The following OSTF1 variants were observed in gnomAD, a reference collection of about 807,000 sequenced individuals.
OSTF1 encodes osteoclast-stimulating factor 1.
Under a neutral mutation model 37.2 loss-of-function variants are expected in OSTF1, and 27 were observed. The ratio of observed to expected loss-of-function variants is 0.73; its 90% CI spans 0.54 to 1.00. The LOEUF (loss-of-function observed/expected upper bound fraction) is 1.00. OSTF1 is among the 50% of genes least tolerant of loss of function. The pLI, the probability that OSTF1 is intolerant of heterozygous loss-of-function variation, is 0.00. For missense variants in OSTF1, 232 were observed against 253.8 expected (o/e 0.91, Z 0.58); for synonymous variants, 82 against 89.2 (o/e 0.92, Z 0.46).
At chr9:75,089,868 C>T (rs1272159014) in intron 1 of OSTF1, among the ~76,000 whole-genome samples, 1 of 152,074 alleles carries the variant, frequency 6.6e-6, no homozygotes, top group African/African-American at 2.4e-5. Flanking sequence ...TCTTTGCGTT[C>T]CTGCAGTTGG....
At chr9:75,140,697 T>C (rs548117806) in intron 8 of OSTF1, 137 bp from the exon 9 acceptor site, 1 of 584,418 alleles carries the variant, frequency 1.7e-6, no homozygotes, top group African/African-American at 1.9e-5. Context: ...AAGTTTATTG[T>C]TTTGAGAACG....
chr9:75,118,227 T>C (rs1027083148), intron 2 of OSTF1, among the ~76,000 whole-genome samples: 1 of 152,162 alleles, frequency 6.6e-6, no homozygotes, highest in Non-Finnish European at 1.5e-5. Flanking sequence ...TTCAATAGCA[T>C]GTTCAGAGAT....
chr9:75,134,532 T>C, intron 7 of OSTF1, 137 bp downstream of exon 7: 2 of 560,380 alleles, frequency 3.6e-6, no homozygotes, highest in Non-Finnish European at 6.4e-6. Flanking sequence ...GTACTAAAAT[T>C]CAAATTATCC....
Position 75,095,016 on chromosome 9 carries a change from C to T in OSTF1, c.34+6290C>T, listed in dbSNP as rs550572019. Among the ~76,000 whole-genome samples the T allele has an allele frequency of 4.6e-5, 7 of 152,186 alleles. No homozygotes were observed. In the East Asian group the frequency reaches 9.7e-4, roughly 21 times the overall value. On this transcript the variant is annotated intron_variant, in intron 1 of 9. Transcript: ENST00000346234. ...CTGCACTCCAGCCTGGGTGACAGAG[C>T]GAGACCCTGTCTCAAATAAACAAAC...
chr9:75,144,150 T>C (rs544736032), intron 9 of OSTF1, among the ~76,000 whole-genome samples: 2 of 152,298 alleles, frequency 1.3e-5, no homozygotes, highest in Admixed American at 6.5e-5. Context: ...TGGGTGTGTG[T>C]TGGGGGAGAA....
intron 1 of OSTF1, among the ~76,000 whole-genome samples, chr9:75,098,606 C>T (rs181051800): frequency 6.6e-6 from 1 of 152,074 alleles, no homozygotes. Context: ...GGTTATAACT[C>T]AGTAACATCA....
At chr9:75,145,857 C>T (rs1826015935) in intron 9 of OSTF1, among the ~76,000 whole-genome samples, 1 of 152,140 alleles carries the variant, frequency 6.6e-6, no homozygotes, top group Non-Finnish European at 1.5e-5. Flanking sequence ...TGTTAGGATG[C>T]TTGCTTTATG....
At chr9:75,128,314 C>T (rs1490120354) in intron 3 of OSTF1, among the ~76,000 whole-genome samples, 4 of 131,386 alleles carry the variant, frequency 3.0e-5, no homozygotes, top group Admixed American at 8.3e-5. Flanking sequence ...GTTTAAAACT[C>T]AGCAATTTGA....
intron 1 of OSTF1, among the ~76,000 whole-genome samples, chr9:75,091,446 C>G (rs1394918992): frequency 1.3e-5 from 2 of 152,082 alleles, no homozygotes; most frequent in African/African-American, 4.8e-5. Context: ...TATTTTAGAG[C>G]TGGTGGTCAG....
chr9:75,123,520 C>G (rs1314831159), intron 2 of OSTF1, among the ~76,000 whole-genome samples: 1 of 152,250 alleles, frequency 6.6e-6, no homozygotes, highest in African/African-American at 2.4e-5. Flanking sequence ...TGTTCCCTAA[C>G]TGTGATGCTG....
At chr9:75,127,932 A>T (rs1356671719) in intron 3 of OSTF1, among the ~76,000 whole-genome samples, 2 of 152,050 alleles carry the variant, frequency 1.3e-5, no homozygotes, top group Non-Finnish European at 2.9e-5. Flanking sequence ...TAGATAATAT[A>T]TCCTCAGTTT....
chr9:75,101,721 T>C (rs924332098), intron 1 of OSTF1, among the ~76,000 whole-genome samples: 6 of 152,204 alleles, frequency 3.9e-5, no homozygotes, highest in African/African-American at 1.4e-4. Context: ...AATAGTAAAA[T>C]ACCCTCAGCT....
chr9:75,092,788 G>C (rs1363165192), intron 1 of OSTF1, among the ~76,000 whole-genome samples: 3 of 152,040 alleles, frequency 2.0e-5, no homozygotes, highest in Admixed American at 2.0e-4. Flanking sequence ...AAGTCTTGCT[G>C]TTGGTTGGCA....
chr9:75,137,089 T>C (rs574966773), intron 7 of OSTF1, among the ~76,000 whole-genome samples: 2 of 152,292 alleles, frequency 1.3e-5, no homozygotes, highest in African/African-American at 2.4e-5. Flanking sequence ...CTGTCATCAT[T>C]ATTGGGTCAT....
At chr9:75,102,284 A>C (rs1467773180) in intron 1 of OSTF1, among the ~76,000 whole-genome samples, 1 of 152,192 alleles carries the variant, frequency 6.6e-6, no homozygotes, top group Admixed American at 6.5e-5. Flanking sequence ...CAGTGAGGGC[A>C]TTTTTATAAT....
chr9:75,128,502 CATATATATATATATATATTTTGTCCAT>C lies in OSTF1; in HGVS notation c.132+900_132+926del, dbSNP rs59291184. On this transcript the variant is annotated intron_variant, in intron 3 of 9. Coordinates refer to ENST00000346234, the MANE Select transcript of OSTF1 (RefSeq NM_012383.5). The stretch of plus-strand genomic sequence containing the variant: ...CATATATATATATATATATTTTGTC[CATATATATATATATATATTTTGTCCAT>C]ATATATATATATATATTTTGTCCAT... Among the ~76,000 whole-genome samples, 3 of 3,750 alleles carry C rather than the reference CATATATATATATATATATTTTGTCCAT, an allele frequency of 8.0e-4. 1 individual carries two copies. The highest frequency in any genetic ancestry group is 1.9e-3 in the Non-Finnish European group (3 of 1,568). The allele number at this position is 3,750 out of a possible 152,430, so 2.5% of individuals were successfully genotyped here. A position where few individuals can be genotyped will look rare whatever the true frequency, so the allele number is the denominator to read the frequency against.
chr9:75,123,339 G>T (rs1188517925), intron 2 of OSTF1, among the ~76,000 whole-genome samples: 16 of 152,286 alleles, frequency 1.1e-4, no homozygotes, highest in African/African-American at 3.4e-4. Context: ...GGAGAATGGC[G>T]TGAACCCTTG....
At chr9:75,140,788 A>T in intron 8 of OSTF1, 46 bp from the exon 9 acceptor site, 1 of 1,368,260 alleles carries the variant, frequency 7.3e-7, no homozygotes, top group Non-Finnish European at 1.0e-6. Flanking sequence ...GGCTACTACT[A>T]TATAGTCTTC....
intron 2 of OSTF1, among the ~76,000 whole-genome samples, chr9:75,126,369 A>C (rs967872515): frequency 6.6e-6 from 1 of 152,200 alleles, no homozygotes; most frequent in Non-Finnish European, 1.5e-5. Flanking sequence ...TTTTGTGTCT[A>C]TTTAATGCAT....
Sources: gnomAD v4.1 joint callset for allele counts (sites outside exome capture counted in the v4.1 genomes callset) on GRCh38, gnomAD v4.1.1 for gene constraint, MANE v1.5 for transcripts, NCBI Gene and HGNC (gene_info 2026-07-23, HGNC 2026-07-21) for gene names.